Variants in PRDM2 observed in about 807,000 individuals in gnomAD.
PRDM2 encodes the protein PR domain zinc finger protein 2.
A neutral mutation model predicts 130.0 loss-of-function variants in PRDM2; 30 were observed. That is an observed-to-expected ratio of 0.23 (90% CI 0.17 to 0.31). The LOEUF is 0.31. Among genes scored for constraint, PRDM2 ranks in the 10% least tolerant of loss-of-function variants. PRDM2 has a pLI of 1.00. For synonymous variants in PRDM2, 871 were observed against 782.4 expected, an observed-to-expected ratio of 1.11 and a Z score of -1.89; for missense variants, 2,011 against 2,108.4, an observed-to-expected ratio of 0.95 and a Z score of 0.90.
intron 1 of PRDM2, among the ~76,000 whole-genome samples, chr1:13,702,586 A>G (rs955328141): frequency 6.6e-6 from 1 of 152,194 alleles, no homozygotes; most frequent in Non-Finnish European, 1.5e-5. Context: ...AGTTATGTAC[A>G]TATATCTGCG....
At chr1:13,737,738 G>A (rs1161501028) in intron 4 of PRDM2, among the ~76,000 whole-genome samples, 1 of 152,030 alleles carries the variant, frequency 6.6e-6, no homozygotes, top group Non-Finnish European at 1.5e-5. Flanking sequence ...TTTTTGAACA[G>A]GTTTACTTGT....
intron 8 of PRDM2, among the ~76,000 whole-genome samples, chr1:13,789,291 A>G (rs1278312166): frequency 6.6e-6 from 1 of 152,248 alleles, no homozygotes; most frequent in African/African-American, 2.4e-5. Flanking sequence ...ATGCCTTGCT[A>G]GGCTGGCTGT....
At chr1:13,717,923 GT>G (rs1642597386) in intron 2 of PRDM2, among the ~76,000 whole-genome samples, 1 of 152,054 alleles carries the variant, frequency 6.6e-6, no homozygotes. Flanking sequence ...AGCATCTTTT[GT>G]TATATTTTCA....
chr1:13,737,567 T>G lies in PRDM2; in HGVS notation c.232-4438T>G, dbSNP rs182489649. The stretch of plus-strand genomic sequence containing the variant: ...TCTGGTTTCAGGTTTGCTGAGAAGC[T>G]GAGTGGTTAATAGCAGTGCATAGGT... On this transcript the variant is annotated intron_variant, in intron 4 of 9. Transcript: ENST00000311066. Among the ~76,000 whole-genome samples the G allele has an allele frequency of 3.5e-4, 53 of 152,300 alleles. No individual in the cohort carries two copies. The East Asian group carries it at 5.8e-3, about 17-fold the overall frequency.
chr1:13,767,897 G>A (rs1292393280), intron 6 of PRDM2, among the ~76,000 whole-genome samples: 7 of 151,978 alleles, frequency 4.6e-5, no homozygotes, highest in South Asian at 2.1e-4. Flanking sequence ...GATCACCTGA[G>A]CCCAGGAGGT....
At chr1:13,730,226 G>C (rs1437824311) in intron 2 of PRDM2, among the ~76,000 whole-genome samples, 2 of 152,144 alleles carry the variant, frequency 1.3e-5, no homozygotes, top group East Asian at 3.9e-4. Context: ...AAGTTAATGA[G>C]AAAATAACAG....
At chr1:13,785,145 T>C (rs1228339421) in intron 8 of PRDM2, among the ~76,000 whole-genome samples, 2 of 152,240 alleles carry the variant, frequency 1.3e-5, no homozygotes, top group African/African-American at 4.8e-5. Flanking sequence ...AGTGCATATT[T>C]GTTGCATTAC....
At chr1:13,703,004 C>T (rs1316279645) in intron 1 of PRDM2, among the ~76,000 whole-genome samples, 1 of 152,198 alleles carries the variant, frequency 6.6e-6, no homozygotes, top group Non-Finnish European at 1.5e-5. Context: ...TAGGGCTTCA[C>T]GCTTTGTGCG....
intron 7 of PRDM2, among the ~76,000 whole-genome samples, chr1:13,777,100 C>T (rs1201181692): frequency 1.3e-5 from 2 of 152,192 alleles, no homozygotes; most frequent in Admixed American, 6.5e-5. Context: ...ACCACAGTTG[C>T]TTCTCTTGTG....
rs531141776 is a variant in PRDM2, at chr1:13,787,054, T to C, written c.5036+4223T>C. ...TGATCTCTTACCCCTGGTATTTCTT[T>C]TTTTTGTTGTTTTCGTTTTTTTAAA... On this transcript the variant is annotated intron_variant, in intron 8 of 9. Transcript: ENST00000311066. The C allele has an allele frequency of 4.1e-6, 4 of 985,510 alleles. No homozygotes were observed. The South Asian group carries it at 1.9e-4, about 46-fold the overall frequency. 61.0% of individuals were successfully genotyped at this position (985,510 alleles called of 1,614,324 possible).
intron 5 of PRDM2, among the ~76,000 whole-genome samples, 187 bp downstream of exon 5, chr1:13,742,344 G>A (rs1027445525): frequency 1.3e-5 from 2 of 152,132 alleles, no homozygotes; most frequent in Admixed American, 1.3e-4. Flanking sequence ...CAGGACTATG[G>A]GCACATGCCA....
intron 6 of PRDM2, among the ~76,000 whole-genome samples, chr1:13,759,360 G>A (rs139600916): frequency 3.9e-5 from 6 of 152,194 alleles, no homozygotes; most frequent in African/African-American, 9.6e-5. Context: ...TTGCAATGCC[G>A]TTTAGAATGG....
rs536087579 is a variant in PRDM2, at chr1:13,749,474, C to G, written c.498C>G (p.Pro166=). The change falls in exon 6 of 10, where the codon CCC becomes CCG. Residue 166 remains proline, a synonymous_variant. Coordinates refer to ENST00000311066, the MANE Select transcript of PRDM2 (RefSeq NM_001393986.1). ...RASARSKRSS[P]KSRKGKKKSQ... is the part of the protein sequence containing the mutation. ...GCGCCCGGAGCAAGCGGAGCTCCCC[C>G]AAGAGCCGGAAAGGTAGGAGCCCCC... 1 of 1,475,312 alleles carries G rather than the reference C, an allele frequency of 6.8e-7. No individual in the cohort carries two copies. Among genetic ancestry groups the G allele is most frequent in the Non-Finnish European group, 9.1e-7 (1 of 1,098,128 alleles). 91.4% of individuals were successfully genotyped at this position (1,475,312 alleles called of 1,614,324 possible).
intron 2 of PRDM2, among the ~76,000 whole-genome samples, chr1:13,725,028 G>T (rs1169441604): frequency 6.6e-6 from 1 of 152,170 alleles, no homozygotes; most frequent in Non-Finnish European, 1.5e-5. Flanking sequence ...TGTCTTCTTA[G>T]CCCTGAGAGG....
At chr1:13,706,722 T>C (rs1452674201) in intron 1 of PRDM2, among the ~76,000 whole-genome samples, 1 of 152,144 alleles carries the variant, frequency 6.6e-6, no homozygotes, top group Non-Finnish European at 1.5e-5. Flanking sequence ...TCATAAATGG[T>C]TAGGCATTTC....
chr1:13,819,028 G>A (rs1645304535), intron 9 of PRDM2, among the ~76,000 whole-genome samples: 1 of 152,198 alleles, frequency 6.6e-6, no homozygotes, highest in Admixed American at 6.6e-5. Flanking sequence ...GAGAGGCCAT[G>A]CCAGGATGAA....
intron 9 of PRDM2, among the ~76,000 whole-genome samples, chr1:13,819,545 A>G (rs1645313857): frequency 6.6e-6 from 1 of 152,156 alleles, no homozygotes; most frequent in Admixed American, 6.5e-5. Flanking sequence ...TGTGCTACTT[A>G]TATTATTTTT....
At chr1:13,716,207 AC>A (rs1298525773) in intron 2 of PRDM2, among the ~76,000 whole-genome samples, 2 of 151,492 alleles carry the variant, frequency 1.3e-5, no homozygotes, top group African/African-American at 4.9e-5. Flanking sequence ...AGAACAAAAA[AC>A]CAAACACCGC....
At chr1:13,762,597 C>T (rs1333223596) in intron 6 of PRDM2, among the ~76,000 whole-genome samples, 1 of 152,150 alleles carries the variant, frequency 6.6e-6, no homozygotes, top group Non-Finnish European at 1.5e-5. Context: ...TCAGTTTGTT[C>T]CCTGTGGTCA....
Sources: allele counts gnomAD v4.1 joint callset (sites outside exome capture counted in the v4.1 genomes callset), GRCh38; gene constraint gnomAD v4.1.1; transcripts MANE v1.5; gene names NCBI Gene and HGNC (gene_info 2026-07-23, HGNC 2026-07-21).